RHOV: variants seen among roughly 807,000 people sequenced by gnomAD.
RHOV encodes rho-related GTP-binding protein RhoV.
A neutral mutation model predicts 20.2 loss-of-function variants in RHOV; 6 were observed. The observed-to-expected ratio is 0.30, with a 90% confidence interval of 0.16 to 0.59. The LOEUF (loss-of-function observed/expected upper bound fraction) is 0.59. Among genes scored for constraint, RHOV ranks in the 20% least tolerant of loss-of-function variants. The pLI is 0.89. For synonymous variants in RHOV, 136 were observed against 142.3 expected (o/e 0.96, Z 0.31); for missense variants, 275 against 319.4 (o/e 0.86, Z 1.06).
In RHOV at chr15:40,873,287, C is replaced by G; in HGVS notation, c.482G>C (p.Gly161Ala). 2 of 1,613,548 alleles carry G rather than the reference C, an allele frequency of 1.2e-6. No individual in the cohort carries two copies. The highest frequency in any genetic ancestry group is 1.7e-6 in the Non-Finnish European group (2 of 1,179,952). ...VNVLIQLDQGGREGPVPQPQA... is the reference protein window; with the variant it reads ...VNVLIQLDQGAREGPVPQPQA... ...GGGTTGGGGCACGGGGCCCTCCCGG[C>G]CCCCCTGGTCCAGCTGAATTAGTAC... The change falls in exon 3 of 3, where the codon GGC (glycine) becomes GCC (alanine). Residue 161 changes from glycine (G) to alanine (A), a missense_variant. Physicochemically the swap from Gly to Ala is moderately conservative, Grantham distance 60 (BLOSUM62 0). Coordinates refer to ENST00000220507, the MANE Select transcript of RHOV (RefSeq NM_133639.4).
At chr15:40,873,607 A>G in intron 2 of RHOV, 77 bp downstream of exon 2, 2 of 1,587,070 alleles carry the variant, frequency 1.3e-6, no homozygotes, top group Non-Finnish European at 1.7e-6. Flanking sequence ...GGCTTTCTCC[A>G]TTTGCTCCAT....
intron 2 of RHOV, 52 bp downstream of exon 2, chr15:40,873,632 G>T (rs1891919533): frequency 6.2e-6 from 10 of 1,601,832 alleles, no homozygotes; most frequent in Non-Finnish European, 7.7e-6. Flanking sequence ...GGTCCTCCCA[G>T]CCTCCAGCCC....
In RHOV at chr15:40,874,088, T is replaced by C; in HGVS notation, c.52A>G (p.Thr18Ala). Reference sequence around the variant, plus strand: ...GCGCTACGCCGCCGCGGGGGAGGGGTCGGGGCCCGGAGCGGGGGCGGCTCG... The same window carrying C: ...GCGCTACGCCGCCGCGGGGGAGGGGCCGGGGCCCGGAGCGGGGGCGGCTCG... ...EAEPPPLRAP[T>A]PPPRRRSAPP... The change falls in exon 1 of 3, where the codon ACC becomes GCC. Residue 18 changes from threonine (T) to alanine (A), a missense_variant. By Grantham distance (58) the Thr-to-Ala change is moderately conservative (BLOSUM62 0). Coordinates refer to ENST00000220507, the MANE Select transcript of RHOV (RefSeq NM_133639.4). 1 of 1,485,068 alleles carries C rather than the reference T, an allele frequency of 6.7e-7. No homozygotes were observed. The highest frequency in any genetic ancestry group is 8.9e-7 in the Non-Finnish European group (1 of 1,121,872). The allele number at this position is 1,485,068 out of a possible 1,614,324, so 92.0% of individuals were successfully genotyped here.
In RHOV at chr15:40,873,292, CT is replaced by C. The variant is rs751688269; in HGVS notation, c.476del (p.Gln159ArgfsTer31). The C allele has an allele frequency of 1.8e-5, 29 of 1,613,726 alleles. No homozygotes were observed. Among genetic ancestry groups the C allele is most frequent in the Non-Finnish European group, 2.3e-5 (27 of 1,180,022 alleles). On this transcript the variant is annotated frameshift_variant, in exon 3 of 3. Transcript: ENST00000220507. LOFTEE classifies it high-confidence loss of function. ...GGGGCACGGGGCCCTCCCGGCCCCC[CT>C]GGTCCAGCTGAATTAGTACGTTGAC... is the stretch of plus-strand genomic sequence containing the variant. ...DDVNVLIQLD[Q>X]GGREGPVPQP...
intron 1 of RHOV, 78 bp downstream of exon 1, chr15:40,873,854 C>T: frequency 1.3e-6 from 2 of 1,542,518 alleles, no homozygotes; most frequent in Non-Finnish European, 1.8e-6. Context: ...CGCCCTCCCG[C>T]CGAGACGCCC....
chr15:40,873,667 C>G lies in RHOV; in HGVS notation c.267+17G>C. ...CATCTCCCCGCAGACCAGTAGAGGCCGCGCCCAGCTTCTCACCTGTCCCGC... is the reference window on the plus strand; with the variant it reads ...CATCTCCCCGCAGACCAGTAGAGGCGGCGCCCAGCTTCTCACCTGTCCCGC... On this transcript the variant is annotated intron_variant, in intron 2 of 2. Coordinates refer to ENST00000220507, the MANE Select transcript of RHOV (RefSeq NM_133639.4). 6.2e-7 allele frequency: 1 copy of G among 1,613,684 alleles called. No homozygotes were observed. The highest frequency in any genetic ancestry group is 8.5e-7 in the Non-Finnish European group (1 of 1,179,686).
Position 40,872,926 on chromosome 15 carries a change from C to T in RHOV, c.*132G>A, listed in dbSNP as rs371902151. 7.2e-5 allele frequency: 48 copies of T among 668,450 alleles called. No individual in the cohort carries two copies. The African/African-American group carries it at 8.2e-4, about 11-fold the overall frequency. 41.4% of individuals were successfully genotyped at this position (668,450 alleles called of 1,614,324 possible). A position where few individuals can be genotyped will look rare whatever the true frequency, so the allele number is the denominator to read the frequency against. ...TGGGCAGTTAGAGGCCCATGTCCCC[C>T]GAGTGTTCAGAAGGGAACTGAGTCC... On this transcript the variant is annotated 3_prime_UTR_variant, in exon 3 of 3. Transcript: ENST00000220507.
At position 40,874,064 on chromosome 15, in the gene RHOV, C is replaced by A; in HGVS notation, c.76G>T (p.Ala26Ser). The A allele has an allele frequency of 6.5e-7, 1 of 1,541,788 alleles. No individual in the cohort carries two copies. Among genetic ancestry groups the A allele is most frequent in the Non-Finnish European group, 8.7e-7 (1 of 1,148,774 alleles). ...APTPPPRRRS[A>S]PPELGIKCVL... ...CACTTGATGCCCAGCTCTGGGGGCG[C>A]GCTACGCCGCCGCGGGGGAGGGGTC... Residue 26 changes from alanine (A) to serine (S), a missense_variant, in exon 1 of 3, where the codon GCG (alanine) becomes TCG (serine). Coordinates refer to ENST00000220507, the MANE Select transcript of RHOV (RefSeq NM_133639.4).
chr15:40,873,097 G>A lies in RHOV; in HGVS notation c.672C>T (p.Leu224=). ...KKLNAKGVRT[L]SRCRWKKFFC... ...AGAACTTCTTCCAGCGGCAGCGGGAGAGGGTGCGCACACCTTTGGCATTCA... is the reference window on the plus strand; with the variant it reads ...AGAACTTCTTCCAGCGGCAGCGGGAAAGGGTGCGCACACCTTTGGCATTCA... The change falls in exon 3 of 3, where the codon CTC becomes CTT. Residue 224 remains leucine (L), a synonymous_variant. Transcript: ENST00000220507. 3.1e-6 allele frequency: 5 copies of A among 1,614,250 alleles called. No individual in the cohort carries two copies. The highest frequency in any genetic ancestry group is 4.2e-6 in the Non-Finnish European group (5 of 1,180,024).
At chr15:40,873,811 GGC>G in intron 1 of RHOV, 69 bp from the exon 2 acceptor site, 1 of 1,572,166 alleles carries the variant, frequency 6.4e-7, no homozygotes, top group Non-Finnish European at 8.7e-7. Context: ...GCCACCTCGG[GGC>G]CTGCTCCAGT....
At position 40,874,144 on chromosome 15, in the gene RHOV, C is replaced by T; in HGVS notation, c.-5G>A. 3 of 1,301,200 alleles carry T rather than the reference C, an allele frequency of 2.3e-6. No homozygotes were observed. The highest frequency in any genetic ancestry group is 2.0e-6 in the Non-Finnish European group (2 of 1,020,316). The allele number at this position is 1,301,200 out of a possible 1,614,324, so 80.6% of individuals were successfully genotyped here. On this transcript the variant is annotated 5_prime_UTR_variant, in exon 1 of 3. Transcript: ENST00000220507. ...GCTCAGCTCCCGCGGCGGCATGGCC[C>T]GCTCCGGGGGCAGCAGAGGGGCCAG...
rs1350652437 is a variant in RHOV at position 40,873,514 on chromosome 15, G to A, written c.268-13C>T. Reference sequence around the variant, plus strand: ...GGTCAAAATCCTCCTGGGGTGGGAAGGCCAGGTGGTAAGGATTAGCCCCCC... The same window carrying A: ...GGTCAAAATCCTCCTGGGGTGGGAAAGCCAGGTGGTAAGGATTAGCCCCCC... On this transcript the variant is annotated splice_polypyrimidine_tract_variant and intron_variant, in intron 2 of 2. Transcript: ENST00000220507. 10 of 1,592,578 alleles carry A rather than the reference G, an allele frequency of 6.3e-6. No homozygotes were observed. Among genetic ancestry groups the A allele is most frequent in the Non-Finnish European group, 8.6e-6 (10 of 1,169,004 alleles).
chr15:40,873,106 C>A lies in RHOV; in HGVS notation c.663G>T (p.Val221=), dbSNP rs760798205. The A allele has an allele frequency of 6.2e-7, 1 of 1,614,276 alleles. No homozygotes were observed. Among genetic ancestry groups the A allele is most frequent in the Non-Finnish European group, 8.5e-7 (1 of 1,180,044 alleles). Residue 221 remains valine, a synonymous_variant, in exon 3 of 3, where the codon GTG becomes GTT. Coordinates refer to ENST00000220507, the MANE Select transcript of RHOV (RefSeq NM_133639.4). ...RLEKKLNAKG[V]RTLSRCRWKK... The stretch of plus-strand genomic sequence containing the variant: ...TCCAGCGGCAGCGGGAGAGGGTGCG[C>A]ACACCTTTGGCATTCAGTTTCTTCT...
At chr15:40,873,821 A>G in intron 1 of RHOV, 79 bp from the exon 2 acceptor site, 1 of 1,554,376 alleles carries the variant, frequency 6.4e-7, no homozygotes, top group South Asian at 1.1e-5. Flanking sequence ...GGCCTGCTCC[A>G]GTCTCCTCCC....
Position 40,874,135 on chromosome 15 carries a change from G to T in RHOV, c.5C>A (p.Pro2Gln). The change falls in exon 1 of 3, where the codon CCG (proline) becomes CAG (glutamine). Residue 2 changes from proline (P) to glutamine (Q), a missense_variant. Coordinates refer to ENST00000220507, the MANE Select transcript of RHOV (RefSeq NM_133639.4). Reference sequence around the variant, plus strand: ...CTCGGCCTCGCTCAGCTCCCGCGGCGGCATGGCCCGCTCCGGGGGCAGCAG... The same window carrying T: ...CTCGGCCTCGCTCAGCTCCCGCGGCTGCATGGCCCGCTCCGGGGGCAGCAG... MPPRELSEAEPP... is the reference protein window; with the variant it reads MQPRELSEAEPP... The T allele has an allele frequency of 2.3e-6, 3 of 1,323,576 alleles. No homozygotes were observed. The highest frequency in any genetic ancestry group is 3.1e-5 in the East Asian group (1 of 32,272). The allele number at this position is 1,323,576 out of a possible 1,614,324, so 82.0% of individuals were successfully genotyped here.
chr15:40,873,785 C>T (rs752423081), intron 1 of RHOV, 43 bp from the exon 2 acceptor site: 2 of 1,602,470 alleles, frequency 1.2e-6, no homozygotes, highest in Non-Finnish European at 1.7e-6. Flanking sequence ...GGAAGAGCGT[C>T]CTGGGCCGCA....
chr15:40,874,019 C>A lies in RHOV; in HGVS notation c.121G>T (p.Ala41Ser), dbSNP rs1254533127. 56 of 1,604,780 alleles carry A rather than the reference C, an allele frequency of 3.5e-5. No homozygotes were observed. Among genetic ancestry groups the A allele is most frequent in the Non-Finnish European group, 4.8e-5 (56 of 1,176,898 alleles). ...ACGATGAGGCTGCTCTTGCCCACGG[C>A]GCCGTCGCCCACCAGCACGCACTTG... is the stretch of plus-strand genomic sequence containing the variant. ...GIKCVLVGDG[A>S]VGKSSLIVSY... The change falls in exon 1 of 3, where the codon GCC becomes TCC. Residue 41 changes from alanine (A) to serine (S), a missense_variant. By Grantham distance (99) the Ala-to-Ser change is moderately conservative. Transcript: ENST00000220507.
chr15:40,873,753 G>C lies in RHOV; in HGVS notation c.209-11C>G, dbSNP rs201669855. The C allele has an allele frequency of 6.2e-7, 1 of 1,612,348 alleles. No homozygotes were observed. Among genetic ancestry groups the C allele is most frequent in the African/African-American group, 1.3e-5 (1 of 74,908 alleles). On this transcript the variant is annotated splice_polypyrimidine_tract_variant and intron_variant, in intron 1 of 2. Transcript: ENST00000220507. Reference sequence around the variant, plus strand: ...CCACCAGGACTTGCACTGCAGGGGCGGGGCGGGGAGAGCCTGAGTTAGGAA... The same window carrying C: ...CCACCAGGACTTGCACTGCAGGGGCCGGGCGGGGAGAGCCTGAGTTAGGAA...
Position 40,872,818 on chromosome 15 carries a change from G to A in RHOV, c.*240C>T, listed in dbSNP as rs775820166. On this transcript the variant is annotated 3_prime_UTR_variant, in exon 3 of 3. Transcript: ENST00000220507. ...TTAGGACCATCCCATGAAAATCAAA[G>A]TGCCAGGTTTTTTTCTGTGAGCTTT... is the stretch of plus-strand genomic sequence containing the variant. The A allele has an allele frequency of 8.1e-5, 42 of 515,988 alleles. No individual in the cohort carries two copies. Among genetic ancestry groups the A allele is most frequent in the Non-Finnish European group, 1.2e-4 (36 of 291,260 alleles). The allele number at this position is 515,988 out of a possible 1,614,324, so 32.0% of individuals were successfully genotyped here. A position where few individuals can be genotyped will look rare whatever the true frequency, so the allele number is the denominator to read the frequency against.
Sources: gnomAD v4.1 joint callset for allele counts on GRCh38, gnomAD v4.1.1 for gene constraint, MANE v1.5 for transcripts, NCBI Gene and HGNC (gene_info 2026-07-23, HGNC 2026-07-21) for gene names.